The following SCAF11 variants were observed in gnomAD, a reference collection of about 807,000 sequenced individuals.
SCAF11 encodes protein SCAF11.
Under a neutral mutation model 140.5 loss-of-function variants are expected in SCAF11, and 47 were observed. The observed-to-expected ratio is 0.33, with a 90% CI of 0.26 to 0.43. The LOEUF is 0.43. SCAF11 is among the 20% of genes least tolerant of loss of function. The probability of loss-of-function intolerance (pLI) is 1.00; values close to 1 mark genes in which losing one functional copy is unlikely to be tolerated. For missense variants in SCAF11, 1,645 were observed against 1,705.1 expected (o/e 0.96, Z 0.62); for synonymous variants, 557 against 579.4 (o/e 0.96, Z 0.55).
intron 1 of SCAF11, among the ~76,000 whole-genome samples, chr12:45,965,262 G>C (rs185881352): frequency 3.3e-5 from 5 of 152,286 alleles, no homozygotes; most frequent in Admixed American, 1.3e-4. Flanking sequence ...AGAGATATTT[G>C]CATAGCTAAA....
chr12:45,937,136 C>T (rs950105158), intron 6 of SCAF11, among the ~76,000 whole-genome samples: 34 of 151,740 alleles, frequency 2.2e-4, no homozygotes, highest in African/African-American at 8.0e-4. Context: ...CTTTGTATTA[C>T]TTTTTTAAAA....
At chr12:45,965,452 G>T (rs1453990654) in intron 1 of SCAF11, among the ~76,000 whole-genome samples, 1 of 152,168 alleles carries the variant, frequency 6.6e-6, no homozygotes, top group Non-Finnish European at 1.5e-5. Context: ...GCAAAGGCAA[G>T]AAATTCATAC....
chr12:45,936,568 A>T (rs937358111), intron 6 of SCAF11, among the ~76,000 whole-genome samples: 1 of 152,226 alleles, frequency 6.6e-6, no homozygotes, highest in Non-Finnish European at 1.5e-5. Flanking sequence ...AATACACTCA[A>T]ACACAACAAC....
chr12:45,954,545 T>C (rs1437389069), intron 3 of SCAF11, among the ~76,000 whole-genome samples: 5 of 151,282 alleles, frequency 3.3e-5, no homozygotes, highest in African/African-American at 1.2e-4. Context: ...TTTTGAATTA[T>C]GACAGTTTTA....
At chr12:45,967,312 G>T (rs189881781) in intron 1 of SCAF11, among the ~76,000 whole-genome samples, 17 of 152,224 alleles carry the variant, frequency 1.1e-4, no homozygotes, top group African/African-American at 4.1e-4. Flanking sequence ...GAGAAACTGA[G>T]AAACCTCAAT....
chr12:45,955,827 A>ACC (rs1945677592), intron 3 of SCAF11: 1 of 250,076 alleles, frequency 4.0e-6, no homozygotes, highest in African/African-American at 2.3e-5. Flanking sequence ...CAGTTTCATA[A>ACC]CCAAGTAGTC....
At chr12:45,946,949 A>AG (rs994685467) in intron 5 of SCAF11, among the ~76,000 whole-genome samples, 5 of 152,206 alleles carry the variant, frequency 3.3e-5, no homozygotes, top group African/African-American at 9.6e-5. Flanking sequence ...TTCTAGCAGA[A>AG]GGGATCTGAA....
intron 13 of SCAF11, 46 bp from the exon 14 acceptor site, chr12:45,922,628 C>T (rs773389902): frequency 6.5e-7 from 1 of 1,536,830 alleles, no homozygotes; most frequent in Non-Finnish European, 8.7e-7. Context: ...AGTCATACTG[C>T]TCTCACAAAA....
At chr12:45,940,599 A>G (rs17096332) in intron 6 of SCAF11, among the ~76,000 whole-genome samples, 1 of 152,198 alleles carries the variant, frequency 6.6e-6, no homozygotes, top group African/African-American at 2.4e-5. Context: ...ATGTTAATAC[A>G]TAATCTCAGA....
rs549202018 is a variant in SCAF11 at position 45,950,027 on chromosome 12, T to TCATA, written c.298-1494_298-1491dup. ...AAGGACAGAGAAGTAAAACAATCAT[T>TCATA]CATACATACATACATACATACATAC... On this transcript the variant is annotated intron_variant, in intron 4 of 14. Transcript: ENST00000369367. Among the ~76,000 whole-genome samples, 446 of 152,058 alleles carry TCATA rather than the reference T, an allele frequency of 2.9e-3. 12 individuals carry two copies. In the South Asian group the frequency reaches 0.069, roughly 23 times the overall value.
intron 1 of SCAF11, among the ~76,000 whole-genome samples, chr12:45,985,195 G>A (rs890209814): frequency 7.9e-5 from 12 of 152,092 alleles, no homozygotes; most frequent in African/African-American, 1.2e-4. Context: ...ATTTCAGTCC[G>A]CAAGATTTGT....
intron 5 of SCAF11, among the ~76,000 whole-genome samples, chr12:45,946,930 C>T (rs886228964): frequency 6.6e-5 from 10 of 152,034 alleles, no homozygotes; most frequent in Admixed American, 3.3e-4. Flanking sequence ...TGTCTGTAAA[C>T]GTGTATTTTT....
intron 4 of SCAF11, among the ~76,000 whole-genome samples, chr12:45,950,531 T>C (rs1184178376): frequency 2.6e-5 from 4 of 152,218 alleles, no homozygotes; most frequent in Non-Finnish European, 4.4e-5. Flanking sequence ...TTTTGCAATG[T>C]AATTATACAT....
chr12:45,960,463 A>G (rs1405508165), intron 3 of SCAF11: 1 of 152,154 alleles, frequency 6.6e-6, no homozygotes, highest in Non-Finnish European at 1.5e-5. Flanking sequence ...AATTCAACAC[A>G]GATAAAAATC....
intron 3 of SCAF11, among the ~76,000 whole-genome samples, chr12:45,957,439 T>C (rs1055262623): frequency 1.3e-5 from 2 of 152,158 alleles, no homozygotes; most frequent in South Asian, 2.1e-4. Flanking sequence ...AAATATAACC[T>C]TCACCTATGT....
Position 45,921,978 on chromosome 12 carries a change from C to G in SCAF11, c.*70G>C. 2.0e-6 allele frequency: 3 copies of G among 1,492,072 alleles called. No homozygotes were observed. Among genetic ancestry groups the G allele is most frequent in the South Asian group, 1.3e-5 (1 of 75,274 alleles). 92.4% of individuals were successfully genotyped at this position (1,492,072 alleles called of 1,614,324 possible). A position where few individuals can be genotyped will look rare whatever the true frequency, so the allele number is the denominator to read the frequency against. On this transcript the variant is annotated 3_prime_UTR_variant, in exon 15 of 15. Transcript: ENST00000369367. Reference sequence around the variant, plus strand: ...TTCAATCACAGTTATGTATGATTTTCAGTTAATGGTACATGTTGAAATTGC... The same window carrying G: ...TTCAATCACAGTTATGTATGATTTTGAGTTAATGGTACATGTTGAAATTGC...
chr12:45,922,653 T>A, intron 13 of SCAF11, 71 bp from the exon 14 acceptor site: 1 of 1,400,308 alleles, frequency 7.1e-7, no homozygotes, highest in Non-Finnish European at 9.6e-7. Flanking sequence ...AAACAAGAAA[T>A]TGAAAATACT....
chr12:45,943,226 C>T (rs889748662), intron 6 of SCAF11, among the ~76,000 whole-genome samples: 1 of 152,096 alleles, frequency 6.6e-6, no homozygotes, highest in African/African-American at 2.4e-5. Context: ...AAAGTGGTCC[C>T]CCCTTATTTA....
chr12:45,930,343 T>C (rs1320547470), intron 10 of SCAF11, among the ~76,000 whole-genome samples: 1 of 152,198 alleles, frequency 6.6e-6, no homozygotes, highest in African/African-American at 2.4e-5. Context: ...AAAATATGCA[T>C]GCACTGCAAG....
Sources: gnomAD v4.1 joint callset for allele counts (sites outside exome capture counted in the v4.1 genomes callset) on GRCh38, gnomAD v4.1.1 for gene constraint, MANE v1.5 for transcripts, NCBI Gene and HGNC (gene_info 2026-07-23, HGNC 2026-07-21) for gene names.